The following MAP2K5 variants were observed in gnomAD, a reference collection of about 807,000 sequenced individuals.
MAP2K5 encodes mitogen-activated protein kinase kinase 5, also known as dual specificity mitogen-activated protein kinase kinase 5.
In MAP2K5, 49 loss-of-function variants were observed where a neutral mutation model predicts 83.1. The ratio of observed to expected loss-of-function variants is 0.59; its 90% confidence interval spans 0.47 to 0.75. The LOEUF (loss-of-function observed/expected upper bound fraction) is 0.75. Among genes scored for constraint, MAP2K5 ranks in the 30% least tolerant of loss-of-function variants. The pLI is 0.00. For missense variants in MAP2K5, 457 were observed against 557.5 expected (o/e 0.82, Z 1.82); for synonymous variants, 202 against 191.8 (o/e 1.05, Z -0.44).
chr15:67,681,188 C>G lies in MAP2K5; in HGVS notation c.848-11291C>G, dbSNP rs138744565. Among the ~76,000 whole-genome samples the G allele has an allele frequency of 6.6e-5, 10 of 152,296 alleles. 1 individual carries two copies. In the East Asian group the frequency reaches 1.9e-3, roughly 29 times the overall value. On this transcript the variant is annotated intron_variant, in intron 13 of 21. Transcript: ENST00000178640. ...TTGTCAATGTAGGAAGATCAGATATCAAGATATCAGATATCAGGATATCAT... is the reference window on the plus strand; with the variant it reads ...TTGTCAATGTAGGAAGATCAGATATGAAGATATCAGATATCAGGATATCAT...
At chr15:67,704,468 CTTTTT>C (rs377747618) in intron 16 of MAP2K5, among the ~76,000 whole-genome samples, 1 of 151,110 alleles carries the variant, frequency 6.6e-6, no homozygotes, top group African/African-American at 2.4e-5. Context: ...ATTTTGTAAC[CTTTTT>C]TTTTAGTCAA....
intron 8 of MAP2K5, among the ~76,000 whole-genome samples, chr15:67,609,110 T>C (rs1458347342): frequency 4.6e-5 from 7 of 152,202 alleles, no homozygotes; most frequent in African/African-American, 1.4e-4. Flanking sequence ...CACTTTGACC[T>C]GGACATGAGA....
chr15:67,713,111 C>T (rs945101127), intron 16 of MAP2K5, among the ~76,000 whole-genome samples: 2 of 152,072 alleles, frequency 1.3e-5, no homozygotes, highest in South Asian at 2.1e-4. Context: ...TTGCCCTTCT[C>T]TTAGTATTCC....
At chr15:67,771,769 T>C (rs986698912) in intron 20 of MAP2K5, among the ~76,000 whole-genome samples, 2 of 152,226 alleles carry the variant, frequency 1.3e-5, no homozygotes, top group African/African-American at 2.4e-5. Context: ...TTTAAAAAAG[T>C]ATTGTCAGCA....
rs2141336962 is a variant in MAP2K5 at position 67,794,618 on chromosome 15, A to C, written c.1243-12028A>C. On this transcript the variant is annotated intron_variant, in intron 21 of 21. Coordinates refer to ENST00000178640, the MANE Select transcript of MAP2K5 (RefSeq NM_145160.3). This position sits in a 1 kb window ranked among gnomAD's most constrained non-coding sequence, Gnocchi z 4.6. ...CAGCCCATTCCACTGAGGGTCGGGT[A>C]ACTCTGGAACATCACAGCTGAAAAA... Among the ~76,000 whole-genome samples the C allele has an allele frequency of 6.9e-6, 1 of 144,212 alleles. No individual in the cohort carries two copies. The highest frequency in any genetic ancestry group is 2.1e-4 in the East Asian group (1 of 4,682). 94.6% of individuals were successfully genotyped at this position (144,212 alleles called of 152,430 possible).
rs557775238 is a variant in MAP2K5 at position 67,548,131 on chromosome 15, A to T, written c.136-1903A>T. ...AGCAGGTTTTCAGTTGGTTGTTAGA[A>T]CTCTGCACTTTGATGGGGTCTGCTA... On this transcript the variant is annotated intron_variant, in intron 1 of 21. Transcript: ENST00000178640. Among the ~76,000 whole-genome samples, 16 of 152,264 alleles carry T rather than the reference A, an allele frequency of 1.1e-4. No homozygotes were observed. The South Asian group carries it at 3.3e-3, about 32-fold the overall frequency.
intron 8 of MAP2K5, among the ~76,000 whole-genome samples, chr15:67,622,525 T>TA (rs886437448): frequency 5.9e-5 from 9 of 151,936 alleles, no homozygotes; most frequent in Admixed American, 5.9e-4. Flanking sequence ...ATTAAATGCA[T>TA]GTGGATTTTT....
chr15:67,591,774 G>A (rs2085416409), intron 6 of MAP2K5, among the ~76,000 whole-genome samples: 1 of 151,958 alleles, frequency 6.6e-6, no homozygotes, highest in Non-Finnish European at 1.5e-5. Context: ...TCATTATAAA[G>A]CTAGATGACT....
In MAP2K5 at chr15:67,577,526, A is replaced by G. The variant is rs1317272345; in HGVS notation, c.253-3228A>G. Among the ~76,000 whole-genome samples, 1 of 152,190 alleles carries G rather than the reference A, an allele frequency of 6.6e-6. No homozygotes were observed. The highest frequency in any genetic ancestry group is 1.5e-5 in the Non-Finnish European group (1 of 68,028). ...CATTTCTGTCCAAGCTATTATGTTC[A>G]GTATCTTAGTGTACAAAGTTTAGGG... On this transcript the variant is annotated intron_variant, in intron 3 of 21. Transcript: ENST00000178640. This position sits in a 1 kb window ranked among gnomAD's most constrained non-coding sequence, Gnocchi z 4.1.
chr15:67,740,811 T>C (rs1029922686), intron 17 of MAP2K5, among the ~76,000 whole-genome samples: 1 of 152,062 alleles, frequency 6.6e-6, no homozygotes, highest in Non-Finnish European at 1.5e-5. Context: ...GCAGATCGCT[T>C]GAGGCCAAGA....
rs1428642341 is a variant in MAP2K5 at position 67,555,439 on chromosome 15, G to T, written c.184+5357G>T. 3.0e-5 allele frequency among the ~76,000 whole-genome samples: 4 copies of T among 131,210 alleles called. No homozygotes were observed. In the East Asian group the frequency reaches 9.4e-4, roughly 31 times the overall value. 86.1% of individuals were successfully genotyped at this position (131,210 alleles called of 152,430 possible). A position where few individuals can be genotyped will look rare whatever the true frequency, so the allele number is the denominator to read the frequency against. On this transcript the variant is annotated intron_variant, in intron 2 of 21. Transcript: ENST00000178640. This position sits in a 1 kb window ranked among gnomAD's most constrained non-coding sequence, Gnocchi z 5.2. ...TCCAGGCCCCGCCTGCAACATTGGG[G>T]ATCACTTTGGAGGGGACAAATATTC...
chr15:67,763,366 C>CT, intron 19 of MAP2K5, among the ~76,000 whole-genome samples: 1 of 152,288 alleles, frequency 6.6e-6, no homozygotes, highest in South Asian at 2.1e-4. Flanking sequence ...GTTATGGCTA[C>CT]TCACACTCTA....
At chr15:67,607,119 T>C (rs573514562) in intron 8 of MAP2K5, among the ~76,000 whole-genome samples, 1 of 152,344 alleles carries the variant, frequency 6.6e-6, no homozygotes, top group South Asian at 2.1e-4. Flanking sequence ...AATGATGGTT[T>C]GATTTATTTT....
At chr15:67,800,325 A>G (rs1180533625) in intron 21 of MAP2K5, among the ~76,000 whole-genome samples, 6 of 152,154 alleles carry the variant, frequency 3.9e-5, no homozygotes, top group Admixed American at 6.5e-5. Context: ...TTTTTTTAGC[A>G]TGAATGTATT....
intron 13 of MAP2K5, among the ~76,000 whole-genome samples, chr15:67,684,164 G>A (rs1237308073): frequency 6.6e-6 from 1 of 152,190 alleles, no homozygotes; most frequent in East Asian, 1.9e-4. Flanking sequence ...TGCATTTATA[G>A]AGTGAAATCC....
chr15:67,743,022 G>A (rs2089528917), intron 17 of MAP2K5, among the ~76,000 whole-genome samples: 1 of 152,186 alleles, frequency 6.6e-6, no homozygotes, highest in African/African-American at 2.4e-5. Context: ...AAGCAGTGAG[G>A]CCAAGTAAAC....
At chr15:67,706,622 G>C (rs2088561159) in intron 16 of MAP2K5, among the ~76,000 whole-genome samples, 1 of 152,170 alleles carries the variant, frequency 6.6e-6, no homozygotes, top group Non-Finnish European at 1.5e-5. Context: ...AGAGAGGGTT[G>C]TTGAGCACCT....
Position 67,748,386 on chromosome 15 carries a change from CTG to C in MAP2K5, c.1101+131_1101+132del. On this transcript the variant is annotated intron_variant, in intron 18 of 21. Coordinates refer to ENST00000178640, the MANE Select transcript of MAP2K5 (RefSeq NM_145160.3). The surrounding 1 kb of genome is among the most constrained non-coding windows in gnomAD (Gnocchi z 4.0). The stretch of plus-strand genomic sequence containing the variant: ...GAAGAAAATGCAAACCTTTAACTGC[CTG>C]TATTAGATTAGGTACCATTAGAAAT... 1 of 884,902 alleles carries C rather than the reference CTG, an allele frequency of 1.1e-6. No homozygotes were observed. Among genetic ancestry groups the C allele is most frequent in the Admixed American group, 2.1e-5 (1 of 47,166 alleles). 54.8% of individuals were successfully genotyped at this position (884,902 alleles called of 1,614,324 possible). A position where few individuals can be genotyped will look rare whatever the true frequency, so the allele number is the denominator to read the frequency against.
chr15:67,693,426 T>C (rs940554720), intron 14 of MAP2K5, 92 bp from the exon 15 acceptor site: 6 of 969,602 alleles, frequency 6.2e-6, no homozygotes, highest in Admixed American at 6.2e-5. Context: ...TTGATTTATA[T>C]GAATGATGAT....
Sources: allele counts gnomAD v4.1 joint callset (sites outside exome capture counted in the v4.1 genomes callset), GRCh38; gene constraint gnomAD v4.1.1; non-coding constraint Gnocchi (gnomAD v3.1); transcripts MANE v1.5; gene names NCBI Gene and HGNC (gene_info 2026-07-23, HGNC 2026-07-21).